Variants in PSME4 observed in about 807,000 individuals in gnomAD.
The protein encoded by PSME4 is proteasome activator complex subunit 4.
In PSME4, 89 loss-of-function variants were observed where a neutral mutation model predicts 253.9. That is an observed-to-expected ratio of 0.35 (90% CI 0.30 to 0.42). The LOEUF (loss-of-function observed/expected upper bound fraction) is 0.42, where lower values mean the gene tolerates loss of function less well. PSME4 is among the 10% of genes least tolerant of loss of function. The pLI is 1.00. For synonymous variants in PSME4, 851 were observed against 759.2 expected (o/e 1.12, Z -1.99); for missense variants, 2,014 against 2,195.2 (o/e 0.92, Z 1.65).
rs959587720 is a variant in PSME4 at position 53,923,264 on chromosome 2, A to G, written c.1908+57T>C. 35 of 1,536,054 alleles carry G rather than the reference A, an allele frequency of 2.3e-5. 1 individual carries two copies. The highest frequency in any genetic ancestry group is 3.1e-5 in the Non-Finnish European group (35 of 1,137,780). Reference sequence around the variant, plus strand: ...ATAGAAGCACCTCTAATAATTAACCATATAAACTAGTTGATTGTTGAGTCA... The same window carrying G: ...ATAGAAGCACCTCTAATAATTAACCGTATAAACTAGTTGATTGTTGAGTCA... On this transcript the variant is annotated intron_variant, in intron 15 of 46. Transcript: ENST00000404125.
chr2:53,892,314 GGT>G (rs1558657470), intron 36 of PSME4, among the ~76,000 whole-genome samples: 1 of 152,120 alleles, frequency 6.6e-6, no homozygotes, highest in East Asian at 1.9e-4. Flanking sequence ...CTTAAAGGCA[GGT>G]GTGTGAAAAC....
intron 44 of PSME4, among the ~76,000 whole-genome samples, chr2:53,867,820 C>CTA (rs893269704): frequency 4.0e-5 from 6 of 151,892 alleles, no homozygotes; most frequent in African/African-American, 1.5e-4. Context: ...TGTGACGCCC[C>CTA]TACCCAGAAT....
At chr2:53,940,735 CAA>C in intron 3 of PSME4, among the ~76,000 whole-genome samples, 1 of 149,310 alleles carries the variant, frequency 6.7e-6, no homozygotes, top group Non-Finnish European at 1.5e-5. Flanking sequence ...TGCAAACAAA[CAA>C]TATAAACAAT....
intron 1 of PSME4, among the ~76,000 whole-genome samples, chr2:53,954,597 G>C (rs1480515442): frequency 2.0e-5 from 3 of 152,124 alleles, no homozygotes; most frequent in Non-Finnish European, 2.9e-5. Flanking sequence ...CCAGCACTTT[G>C]GGAGGCCGAG....
rs754968471 is a variant in PSME4, at chr2:53,937,430, G to A, written c.656C>T (p.Pro219Leu). Residue 219 changes from proline to leucine, a missense_variant, in exon 5 of 47, where the codon CCT becomes CTT. Around this residue, in one of 4 missense-constraint regions of PSME4, gnomAD observed 615 missense variants for 594.4 expected, o/e 1.03. Coordinates refer to ENST00000404125, the MANE Select transcript of PSME4 (RefSeq NM_014614.3). ...ATGAAGTTCTGGAGGAAGGGAGGTA[G>A]GAAGAAATATTTCAAAATAAGTGAT... is the stretch of plus-strand genomic sequence containing the variant. ...KAITYFEIFL[P>L]TSLPPELHHK... is the part of the protein sequence containing the mutation. The A allele has an allele frequency of 6.2e-7, 1 of 1,608,882 alleles. No individual in the cohort carries two copies.
At chr2:53,909,046 T>A (rs1418244482) in intron 21 of PSME4, among the ~76,000 whole-genome samples, 2 of 151,976 alleles carry the variant, frequency 1.3e-5, no homozygotes, top group South Asian at 4.2e-4. Context: ...GAGATGTCTA[T>A]CATGCTTCAA....
chr2:53,889,961 C>A (rs557769852), intron 37 of PSME4, 143 bp downstream of exon 37: 2 of 651,086 alleles, frequency 3.1e-6, no homozygotes, highest in East Asian at 2.8e-5. Context: ...GTCTCTAATC[C>A]CATGGAAATA....
intron 35 of PSME4, 130 bp downstream of exon 35, chr2:53,893,544 C>T: frequency 2.0e-6 from 3 of 1,504,150 alleles, no homozygotes; most frequent in Non-Finnish European, 2.7e-6. Flanking sequence ...TGTACATGTT[C>T]AGTGTAAATT....
rs1573232452 is a variant in PSME4, at chr2:53,895,173, C to G, written c.3843-97G>C. ...AGAAGGCACTTTTAATGAACTCTAA[C>G]TAGATGCTAAGTTTGGGGAGATGAG... On this transcript the variant is annotated intron_variant, in intron 33 of 46. Coordinates refer to ENST00000404125, the MANE Select transcript of PSME4 (RefSeq NM_014614.3). 3 of 1,041,344 alleles carry G rather than the reference C, an allele frequency of 2.9e-6. No individual in the cohort carries two copies. The Admixed American group carries it at 6.9e-5, about 24-fold the overall frequency. The allele number at this position is 1,041,344 out of a possible 1,614,324, so 64.5% of individuals were successfully genotyped here.
intron 18 of PSME4, 29 bp from the exon 19 acceptor site, chr2:53,920,379 G>C: frequency 1.3e-6 from 2 of 1,540,830 alleles, no homozygotes; most frequent in Non-Finnish European, 1.7e-6. Context: ...TACTCAGCAA[G>C]TTGAGAAATT....
chr2:53,920,227 G>T lies in PSME4; in HGVS notation c.2386C>A (p.Gln796Lys). ...TCAAGTTTTCCATCCCCACAATGCT[G>T]GAGTTTGACGAGCTCAGGCTGAAGA... ...SFLQPELVKL[Q>K]HCGDGKLEMS... Residue 796 changes from glutamine to lysine, a missense_variant, in exon 19 of 47, where the codon CAG becomes AAG. Around this residue, in one of 4 missense-constraint regions of PSME4, gnomAD observed 989 missense variants for 1,021.1 expected, o/e 0.97. Transcript: ENST00000404125. The T allele has an allele frequency of 6.2e-7, 1 of 1,612,946 alleles. No homozygotes were observed. Among genetic ancestry groups the T allele is most frequent in the Non-Finnish European group, 8.5e-7 (1 of 1,179,326 alleles).
At chr2:53,940,952 C>CATATTTATAT (rs61078234) in intron 3 of PSME4, among the ~76,000 whole-genome samples, 379 of 23,998 alleles carry the variant, frequency 0.016, 79 homozygotes, top group Non-Finnish European at 0.021. Context: ...TATATATATA[C>CATATTTATAT]ATATATATAT....
rs868780109 is a variant in PSME4, at chr2:53,887,988, G to A, written c.4390C>T (p.Arg1464Ter). 6.2e-7 allele frequency: 1 copy of A among 1,608,324 alleles called. No individual in the cohort carries two copies. The highest frequency in any genetic ancestry group is 8.5e-7 in the Non-Finnish European group (1 of 1,177,800). ...GEGGSFVDAC[R>*]LYVLQGGLAQ... ...AGGCCACCTTGTAGTACATAAAGTCGACTAAAATTAAAGCATCGTAGTGTT... is the reference window on the plus strand; with the variant it reads ...AGGCCACCTTGTAGTACATAAAGTCAACTAAAATTAAAGCATCGTAGTGTT... Residue 1464 changes from arginine (R) to a stop codon, truncating the protein, a stop_gained and splice_region_variant, in exon 39 of 47, where the codon CGA becomes TGA. Transcript: ENST00000404125. LOFTEE classifies it high-confidence loss of function.
chr2:53,864,211 G>C lies in PSME4; in HGVS notation c.*1367C>G, dbSNP rs1434808288. ...ACTGCTGTGCTTAGGTCTGTATTCA[G>C]TCATTCAGCATGTAGATACTAAAAA... On this transcript the variant is annotated 3_prime_UTR_variant, in exon 47 of 47. Transcript: ENST00000404125. 2 of 152,176 alleles carry C rather than the reference G, an allele frequency of 1.3e-5. No homozygotes were observed. The highest frequency in any genetic ancestry group is 4.8e-5 in the African/African-American group (2 of 41,444). 9.4% of individuals were successfully genotyped at this position (152,176 alleles called of 1,614,324 possible). A position where few individuals can be genotyped will look rare whatever the true frequency, so the allele number is the denominator to read the frequency against.
At chr2:53,902,530 G>C (rs1051436557) in intron 27 of PSME4, among the ~76,000 whole-genome samples, 1 of 151,994 alleles carries the variant, frequency 6.6e-6, no homozygotes, top group Non-Finnish European at 1.5e-5. Context: ...TCATAACCTC[G>C]ATTTTGTTGA....
chr2:53,970,237 G>A (rs760246841), intron 1 of PSME4, among the ~76,000 whole-genome samples: 7 of 152,156 alleles, frequency 4.6e-5, no homozygotes, highest in Admixed American at 6.5e-5. Context: ...TCTCTCCCTC[G>A]GGGCCGGGGC....
chr2:53,936,711 A>G (rs540551313), intron 6 of PSME4, 53 bp downstream of exon 6: 81 of 1,318,680 alleles, frequency 6.1e-5, no homozygotes, highest in East Asian at 5.6e-4. Flanking sequence ...TATGGGGGGG[A>G]AAAAAGAAAA....
chr2:53,958,842 C>G (rs371975702), intron 1 of PSME4, among the ~76,000 whole-genome samples: 4 of 149,552 alleles, frequency 2.7e-5, no homozygotes, highest in Non-Finnish European at 4.4e-5. Context: ...AAGTCAGGAG[C>G]CTTCCTGTAT....
At chr2:53,952,882 C>A (rs1434102605) in intron 1 of PSME4, among the ~76,000 whole-genome samples, 1 of 152,212 alleles carries the variant, frequency 6.6e-6, no homozygotes, top group African/African-American at 2.4e-5. Flanking sequence ...AGTCCCTGAG[C>A]TGGGGGTTGG....
Sources: gnomAD v4.1 joint callset for allele counts (sites outside exome capture counted in the v4.1 genomes callset) on GRCh38, gnomAD v4.1.1 for gene constraint, gnomAD v4.1.1 regional missense constraint, MANE v1.5 for transcripts, NCBI Gene and HGNC (gene_info 2026-07-23, HGNC 2026-07-21) for gene names.